MMP24: variants seen among roughly 807,000 people sequenced by gnomAD.
MMP24 encodes the protein matrix metallopeptidase 24.
Under a neutral mutation model 62.8 loss-of-function variants are expected in MMP24, and 25 were observed. That is an observed-to-expected ratio of 0.40 (90% CI 0.29 to 0.56). MMP24 has a LOEUF of 0.56. Ranked by LOEUF, MMP24 falls within the 20% of genes least tolerant of loss-of-function variation. The pLI is 0.50. For missense variants in MMP24, 634 were observed against 853.6 expected, an observed-to-expected ratio of 0.74 and a Z score of 3.21; for synonymous variants, 319 against 350.5, an observed-to-expected ratio of 0.91 and a Z score of 1.00.
At chr20:35,253,991 C>G (rs1407563456) in intron 3 of MMP24, among the ~76,000 whole-genome samples, 1 of 151,268 alleles carries the variant, frequency 6.6e-6, no homozygotes, top group African/African-American at 2.4e-5. Context: ...GCTTCAGCCT[C>G]CCGAGTAGCT....
chr20:35,248,285 T>C (rs1204550273), intron 2 of MMP24, among the ~76,000 whole-genome samples: 1 of 150,444 alleles, frequency 6.6e-6, no homozygotes, highest in East Asian at 1.9e-4. Flanking sequence ...ATTATGGCTC[T>C]AAATTCTAGA....
intron 1 of MMP24, among the ~76,000 whole-genome samples, chr20:35,237,229 G>A (rs988982067): frequency 1.3e-5 from 2 of 152,190 alleles, no homozygotes; most frequent in African/African-American, 4.8e-5. Context: ...AGTCCAAAAT[G>A]GGTCTTGCTG....
intron 1 of MMP24, among the ~76,000 whole-genome samples, chr20:35,228,777 A>G (rs1174938305): frequency 6.6e-6 from 1 of 152,064 alleles, no homozygotes; most frequent in East Asian, 1.9e-4. Flanking sequence ...GTTTCCCCCT[A>G]TGACACGAGA....
At chr20:35,251,056 C>T (rs914853823) in intron 2 of MMP24, among the ~76,000 whole-genome samples, 2 of 151,678 alleles carry the variant, frequency 1.3e-5, no homozygotes, top group Non-Finnish European at 1.5e-5. Flanking sequence ...TAAATCACAA[C>T]ACAATATAAT....
chr20:35,248,471 AT>A (rs1200062372), intron 2 of MMP24, among the ~76,000 whole-genome samples: 2 of 151,408 alleles, frequency 1.3e-5, no homozygotes, highest in Non-Finnish European at 2.9e-5. Flanking sequence ...ATGCTGGCTA[AT>A]TTTTTTTGTA....
At position 35,271,911 on chromosome 20, in the gene MMP24, C is replaced by G; in HGVS notation, c.1600+76C>G. ...CCTCACCAGTGCCCACGGGCATACT[C>G]AGTGCCCATGGGCGTCCAGGTTTGA... On this transcript the variant is annotated intron_variant, in intron 8 of 8. Transcript: ENST00000246186. This position sits in a 1 kb window ranked among gnomAD's most constrained non-coding sequence, Gnocchi z 4.0. The G allele has an allele frequency of 6.8e-7, 1 of 1,465,278 alleles. No homozygotes were observed. The highest frequency in any genetic ancestry group is 2.3e-5 in the Admixed American group (1 of 44,060). The allele number at this position is 1,465,278 out of a possible 1,614,324, so 90.8% of individuals were successfully genotyped here.
intron 8 of MMP24, chr20:35,272,295 G>A: frequency 2.4e-6 from 1 of 411,976 alleles, no homozygotes; most frequent in East Asian, 3.5e-5. Context: ...GAATGCTGTG[G>A]CATGATCATA....
At chr20:35,272,078 T>C in intron 8 of MMP24, 1 of 579,102 alleles carries the variant, frequency 1.7e-6, no homozygotes. Flanking sequence ...ACTGACTTCA[T>C]TCCTTCAGAC....
Position 35,226,955 on chromosome 20 carries a change from G to A in MMP24, c.217G>A (p.Asp73Asn). 2 of 979,838 alleles carry A rather than the reference G, an allele frequency of 2.0e-6. No homozygotes were observed. The allele number at this position is 979,838 out of a possible 1,614,324, so 60.7% of individuals were successfully genotyped here. A position where few individuals can be genotyped will look rare whatever the true frequency, so the allele number is the denominator to read the frequency against. Residue 73 changes from aspartate (D) to asparagine (N), a missense_variant, in exon 1 of 9, where the codon GAC becomes AAC. This residue lies in a region of MMP24 where 212 missense variants were observed against 259.6 expected (regional missense o/e 0.82). Transcript: ENST00000246186. ...GGTGGCGGTGGCGGTGGCGCGGGCG[G>A]ACGAGGCGGAGGCGCCCTTCGCCGG... Reference protein sequence around the residue: ...AAVAVAVARADEAEAPFAGQN... With the variant: ...AAVAVAVARANEAEAPFAGQN...
chr20:35,267,831 T>C, intron 6 of MMP24: 1 of 241,066 alleles, frequency 4.1e-6, no homozygotes. Context: ...GGTGGCTGAG[T>C]CTGACTCCAG....
intron 1 of MMP24, among the ~76,000 whole-genome samples, chr20:35,227,316 T>C (rs1360631877): frequency 6.7e-6 from 1 of 148,950 alleles, no homozygotes; most frequent in African/African-American, 2.5e-5. Flanking sequence ...CGCCTCGGAG[T>C]AAATAGTAAG....
chr20:35,241,951 C>T (rs761692299), intron 1 of MMP24, among the ~76,000 whole-genome samples: 46 of 152,158 alleles, frequency 3.0e-4, no homozygotes, highest in Non-Finnish European at 4.6e-4. Context: ...TTTTAGAGAA[C>T]CAGTAGAGTC....
intron 1 of MMP24, among the ~76,000 whole-genome samples, chr20:35,238,682 G>A (rs1309120852): frequency 2.0e-5 from 3 of 152,106 alleles, no homozygotes; most frequent in Admixed American, 6.6e-5. Flanking sequence ...CCTGGAACAC[G>A]CTTTCCTAGT....
Position 35,275,992 on chromosome 20 carries a change from C to T in MMP24, c.*1383C>T, listed in dbSNP as rs2060702944. ...CTGCTTGTCACTGAGGAGCCCTAGA[C>T]AAGGCCAATGGGTTCATCAATGCCC... On this transcript the variant is annotated 3_prime_UTR_variant, in exon 9 of 9. Coordinates refer to ENST00000246186, the MANE Select transcript of MMP24 (RefSeq NM_006690.4). The T allele has an allele frequency of 2.5e-6, 1 of 398,690 alleles. No individual in the cohort carries two copies. The highest frequency in any genetic ancestry group is 4.4e-6 in the Non-Finnish European group (1 of 226,108). 24.7% of individuals were successfully genotyped at this position (398,690 alleles called of 1,614,324 possible).
chr20:35,242,333 A>AAAAAT (rs1014664421), intron 1 of MMP24, among the ~76,000 whole-genome samples: 8 of 152,192 alleles, frequency 5.3e-5, no homozygotes, highest in South Asian at 2.1e-4. Context: ...CTCCATCTCA[A>AAAAAT]AAAATAAAAT....
chr20:35,274,958 C>G lies in MMP24; in HGVS notation c.*349C>G, dbSNP rs948162719. ...GTCCATGAGGTACCACAGCTCCACT[C>G]CTGGCTGGAACCCAGCACCCTCTGT... On this transcript the variant is annotated 3_prime_UTR_variant, in exon 9 of 9. Coordinates refer to ENST00000246186, the MANE Select transcript of MMP24 (RefSeq NM_006690.4). This position sits in a 1 kb window ranked among gnomAD's most constrained non-coding sequence, Gnocchi z 5.1. 7.3e-6 allele frequency: 2 copies of G among 273,896 alleles called. No homozygotes were observed. Among genetic ancestry groups the G allele is most frequent in the Admixed American group, 9.8e-5 (2 of 20,464 alleles). 17.0% of individuals were successfully genotyped at this position (273,896 alleles called of 1,614,324 possible). A position where few individuals can be genotyped will look rare whatever the true frequency, so the allele number is the denominator to read the frequency against.
chr20:35,269,793 G>A lies in MMP24; in HGVS notation c.1228G>A (p.Val410Met). 1 of 1,571,800 alleles carries A rather than the reference G, an allele frequency of 6.4e-7. No individual in the cohort carries two copies. Among genetic ancestry groups the A allele is most frequent in the Non-Finnish European group, 8.6e-7 (1 of 1,158,782 alleles). The change falls in exon 7 of 9, where the codon GTG becomes ATG. Residue 410 changes from valine (V) to methionine (M), a missense_variant. Transcript: ENST00000246186. This position sits in a 1 kb window ranked among gnomAD's most constrained non-coding sequence, Gnocchi z 4.6. ...GTTCTGGCGTCTGCGCAATAACCGAGTGCAGGAGGGCTACCCCATGCAGAT... is the reference window on the plus strand; with the variant it reads ...GTTCTGGCGTCTGCGCAATAACCGAATGCAGGAGGGCTACCCCATGCAGAT... ...RWFWRLRNNR[V>M]QEGYPMQIEQ...
chr20:35,235,196 G>A (rs1439672959), intron 1 of MMP24, among the ~76,000 whole-genome samples: 7 of 151,866 alleles, frequency 4.6e-5, no homozygotes, highest in African/African-American at 1.7e-4. Context: ...TTGAGCCCAG[G>A]AGTTTGAGAC....
chr20:35,258,290 C>T (rs1445259413), intron 4 of MMP24, among the ~76,000 whole-genome samples: 1 of 152,058 alleles, frequency 6.6e-6, no homozygotes, highest in Non-Finnish European at 1.5e-5. Context: ...ATTATCAAGC[C>T]CAACAAAATT....
Sources: allele counts gnomAD v4.1 joint callset (sites outside exome capture counted in the v4.1 genomes callset), GRCh38; gene constraint gnomAD v4.1.1; regional missense constraint gnomAD v4.1.1; non-coding constraint Gnocchi (gnomAD v3.1); transcripts MANE v1.5; gene names NCBI Gene and HGNC (gene_info 2026-07-23, HGNC 2026-07-21).